Variants in CAMTA1 observed in about 807,000 individuals in gnomAD.
The protein encoded by CAMTA1 is calmodulin-binding transcription activator 1.
A neutral mutation model predicts 170.9 loss-of-function variants in CAMTA1; 27 were observed. That is an observed-to-expected ratio of 0.16 (90% confidence interval 0.12 to 0.22). The LOEUF (loss-of-function observed/expected upper bound fraction) is 0.22. CAMTA1 is among the 10% of genes least tolerant of loss of function. The pLI is 1.00. For synonymous variants in CAMTA1, 833 were observed against 891.5 expected, an observed-to-expected ratio of 0.93 and a Z score of 1.17; for missense variants, 1,619 against 2,217.2, an observed-to-expected ratio of 0.73 and a Z score of 5.42.
chr1:6,865,185 A>T (rs1666156517), intron 3 of CAMTA1, among the ~76,000 whole-genome samples: 1 of 152,030 alleles, frequency 6.6e-6, no homozygotes, highest in African/African-American at 2.4e-5. Context: ...ACTTGAATTT[A>T]TTTTTCTTAG....
intron 6 of CAMTA1, among the ~76,000 whole-genome samples, chr1:7,480,710 C>T (rs6678279): frequency 0.081 from 12,315 of 152,132 alleles, 707 homozygotes; most frequent in East Asian, 0.16. Flanking sequence ...CTCAACCCCC[C>T]GATGCTGGAC....
At chr1:7,501,865 C>T (rs1306677722) in intron 6 of CAMTA1, among the ~76,000 whole-genome samples, 1 of 152,100 alleles carries the variant, frequency 6.6e-6, no homozygotes, top group Non-Finnish European at 1.5e-5. Flanking sequence ...CCTCAGCTGC[C>T]GGCAGCTCAG....
chr1:7,555,557 G>T (rs1267894661), intron 6 of CAMTA1, among the ~76,000 whole-genome samples: 3 of 152,106 alleles, frequency 2.0e-5, no homozygotes, highest in Non-Finnish European at 4.4e-5. Context: ...GATATCCCAA[G>T]AATCACAAGC....
intron 6 of CAMTA1, among the ~76,000 whole-genome samples, chr1:7,545,896 T>A (rs2094685525): frequency 6.6e-6 from 1 of 151,676 alleles, no homozygotes; most frequent in African/African-American, 2.4e-5. Flanking sequence ...GTCCATGTGT[T>A]CTCATTGTTC....
At chr1:7,316,278 A>G (rs372400167) in intron 5 of CAMTA1, among the ~76,000 whole-genome samples, 9 of 152,174 alleles carry the variant, frequency 5.9e-5, no homozygotes, top group East Asian at 1.9e-4. Flanking sequence ...GGCCTCTTCT[A>G]TTGACACCAG....
chr1:6,791,723 G>A (rs1031383389), intron 1 of CAMTA1, among the ~76,000 whole-genome samples: 2 of 152,046 alleles, frequency 1.3e-5, no homozygotes, highest in Non-Finnish European at 1.5e-5. Flanking sequence ...AAGAGTGTAC[G>A]GTCATTCACT....
chr1:7,751,051 G>T, intron 19 of CAMTA1, 148 bp from the exon 20 acceptor site: 1 of 751,516 alleles, frequency 1.3e-6, no homozygotes. Context: ...TTCCTCATTT[G>T]CCTCTTTTGT....
intron 3 of CAMTA1, among the ~76,000 whole-genome samples, chr1:7,011,624 A>T (rs900411324): frequency 6.6e-6 from 1 of 152,114 alleles, no homozygotes; most frequent in Non-Finnish European, 1.5e-5. Flanking sequence ...TCCCCGTCCC[A>T]GTTCCCAGCT....
At chr1:7,061,344 C>T (rs756166257) in intron 3 of CAMTA1, among the ~76,000 whole-genome samples, 18 of 152,204 alleles carry the variant, frequency 1.2e-4, no homozygotes, top group East Asian at 1.9e-4. Flanking sequence ...GTCGCCAGCG[C>T]GCACAGTTGC....
chr1:7,366,007 A>G (rs2085939438), intron 5 of CAMTA1, among the ~76,000 whole-genome samples: 1 of 152,134 alleles, frequency 6.6e-6, no homozygotes, highest in Non-Finnish European at 1.5e-5. Context: ...TGCCGAGCCC[A>G]CTGTGTCATG....
At chr1:7,374,492 T>C (rs1207758845) in intron 5 of CAMTA1, among the ~76,000 whole-genome samples, 1 of 152,156 alleles carries the variant, frequency 6.6e-6, no homozygotes, top group Non-Finnish European at 1.5e-5. Context: ...CCGCCAACAA[T>C]GACAAAAAAT....
intron 11 of CAMTA1, among the ~76,000 whole-genome samples, chr1:7,721,988 T>C (rs2096652642): frequency 6.6e-6 from 1 of 152,182 alleles, no homozygotes; most frequent in African/African-American, 2.4e-5. Flanking sequence ...TATTGCTCAG[T>C]ACAACCAGGA....
intron 4 of CAMTA1, among the ~76,000 whole-genome samples, chr1:7,116,543 T>TC (rs1295305890): frequency 6.6e-6 from 1 of 151,908 alleles, no homozygotes; most frequent in African/African-American, 2.4e-5. Context: ...TTATGAACCA[T>TC]CCCCCCCAAT....
chr1:7,340,671 T>A (rs2083758280), intron 5 of CAMTA1, among the ~76,000 whole-genome samples: 1 of 151,764 alleles, frequency 6.6e-6, no homozygotes, highest in Non-Finnish European at 1.5e-5. Flanking sequence ...TATTCATGCA[T>A]TCTTTGCTTC....
intron 3 of CAMTA1, among the ~76,000 whole-genome samples, chr1:7,089,285 T>C (rs1018490301): frequency 6.6e-6 from 1 of 152,180 alleles, no homozygotes; most frequent in African/African-American, 2.4e-5. Context: ...AGACAGCTAA[T>C]AAGAGGCCGT....
At position 7,299,663 on chromosome 1, in the gene CAMTA1, C is replaced by A. The variant is rs1473427047; in HGVS notation, c.438+50037C>A. 6.6e-6 allele frequency among the ~76,000 whole-genome samples: 1 copy of A among 152,218 alleles called. No individual in the cohort carries two copies. Among genetic ancestry groups the A allele is most frequent in the Admixed American group, 6.5e-5 (1 of 15,282 alleles). ...CCACATTCAGGCAGCAATGCCCCAA[C>A]CCCACACAGAGACACACGCCCAATC... On this transcript the variant is annotated intron_variant, in intron 5 of 22. Transcript: ENST00000303635. This position sits in a 1 kb window ranked among gnomAD's most constrained non-coding sequence, Gnocchi z 4.7.
intron 6 of CAMTA1, among the ~76,000 whole-genome samples, chr1:7,548,633 G>T (rs1293531418): frequency 6.7e-6 from 1 of 149,214 alleles, no homozygotes; most frequent in Non-Finnish European, 1.5e-5. Flanking sequence ...CCCCTTAGGG[G>T]TGGAGGTGCT....
At chr1:7,412,699 G>C (rs1276144014) in intron 5 of CAMTA1, among the ~76,000 whole-genome samples, 1 of 151,938 alleles carries the variant, frequency 6.6e-6, no homozygotes, top group Non-Finnish European at 1.5e-5. Context: ...CTCCCATTTT[G>C]TAGGTTGCCT....
chr1:7,344,981 G>A (rs1450395671), intron 5 of CAMTA1, among the ~76,000 whole-genome samples: 1 of 151,938 alleles, frequency 6.6e-6, no homozygotes, highest in Non-Finnish European at 1.5e-5. Flanking sequence ...TCCATCTCCT[G>A]ACCTCGTGAT....
Sources: allele counts gnomAD v4.1 joint callset (sites outside exome capture counted in the v4.1 genomes callset), GRCh38; gene constraint gnomAD v4.1.1; non-coding constraint Gnocchi (gnomAD v3.1); transcripts MANE v1.5; gene names NCBI Gene and HGNC (gene_info 2026-07-23, HGNC 2026-07-21).